Variants in SYK observed in about 807,000 individuals in gnomAD.
SYK encodes the protein spleen associated tyrosine kinase.
A neutral mutation model predicts 77.8 loss-of-function variants in SYK; 16 were observed. The observed-to-expected ratio is 0.21, with a 90% CI of 0.14 to 0.31. SYK has a LOEUF of 0.31. SYK is among the 10% of genes least tolerant of loss of function. The probability of loss-of-function intolerance (pLI) is 1.00; values close to 1 mark genes in which losing one functional copy is unlikely to be tolerated. For synonymous variants in SYK, 312 were observed against 308.7 expected (o/e 1.01, Z -0.11); for missense variants, 529 against 814.4 (o/e 0.65, Z 4.26).
chr9:90,874,985 T>C, intron 9 of SYK, 136 bp downstream of exon 9: 1 of 1,112,828 alleles, frequency 9.0e-7, no homozygotes, highest in South Asian at 1.6e-5. Context: ...TTTCTGGTAC[T>C]ATTATAATGA....
intron 1 of SYK, among the ~76,000 whole-genome samples, chr9:90,812,774 TGTGTGAGAGAGA>T (rs1416394928): frequency 3.2e-4 from 29 of 89,954 alleles, no homozygotes; most frequent in East Asian, 7.5e-4. Flanking sequence ...TGTGTGTGTG[TGTGTGAGAGAGA>T]GAGATTGAGA....
intron 1 of SYK, among the ~76,000 whole-genome samples, chr9:90,824,626 A>G (rs1825613351): frequency 1.3e-5 from 2 of 151,998 alleles, no homozygotes; most frequent in African/African-American, 4.8e-5. Context: ...AAATCATATG[A>G]CCATGTTAAT....
chr9:90,855,699 A>T (rs78071893), intron 3 of SYK, among the ~76,000 whole-genome samples: 13,207 of 146,680 alleles, frequency 0.09, 546 homozygotes, highest in South Asian at 0.18. Context: ...GGTGTGTGTG[A>T]GAGAGAGAGA....
intron 9 of SYK, among the ~76,000 whole-genome samples, chr9:90,875,550 T>C (rs757810013): frequency 1.3e-5 from 2 of 152,210 alleles, no homozygotes; most frequent in Non-Finnish European, 2.9e-5. Flanking sequence ...AGATATTATT[T>C]AATTAAAACA....
At position 90,884,736 on chromosome 9, in the gene SYK, TACATATAC is replaced by T. The variant is rs1284143124; in HGVS notation, c.1582-2998_1582-2991del. 1.1e-4 allele frequency among the ~76,000 whole-genome samples: 2 copies of T among 17,786 alleles called. 1 individual carries two copies. The highest frequency in any genetic ancestry group is 1.6e-4 in the Non-Finnish European group (2 of 12,250). The allele number at this position is 17,786 out of a possible 152,430, so 11.7% of individuals were successfully genotyped here. On this transcript the variant is annotated intron_variant, in intron 11 of 13. Coordinates refer to ENST00000375754, the MANE Select transcript of SYK (RefSeq NM_003177.7). The stretch of plus-strand genomic sequence containing the variant: ...ACACATATACACATATGTGTACATG[TACATATAC>T]ACATATACACATATGTGTACATGCA...
intron 1 of SYK, among the ~76,000 whole-genome samples, chr9:90,812,765 G>GTGTGTA: frequency 1.1e-5 from 1 of 89,444 alleles, no homozygotes; most frequent in Non-Finnish European, 2.6e-5. Context: ...GTGTGTGTGT[G>GTGTGTA]TGTGTGTGTG....
intron 9 of SYK, 79 bp downstream of exon 9, chr9:90,874,928 C>G (rs1388762835): frequency 2.7e-6 from 4 of 1,498,874 alleles, no homozygotes; most frequent in Non-Finnish European, 3.6e-6. Flanking sequence ...AAAATGTAAC[C>G]TGGCATGACT....
chr9:90,857,064 CT>C (rs1827063135), intron 3 of SYK, among the ~76,000 whole-genome samples: 3 of 152,256 alleles, frequency 2.0e-5, no homozygotes, highest in Admixed American at 1.3e-4. Context: ...TTGCCACTCA[CT>C]TTTTGCTGTT....
chr9:90,802,809 G>T (rs1826779682), intron 1 of SYK, among the ~76,000 whole-genome samples: 1 of 1,798 alleles, frequency 5.6e-4, no homozygotes, highest in African/African-American at 0.015. Flanking sequence ...GCATTGCAGC[G>T]TGTAGTAAAA....
At chr9:90,828,312 G>A (rs940183130) in intron 1 of SYK, among the ~76,000 whole-genome samples, 2 of 148,850 alleles carry the variant, frequency 1.3e-5, no homozygotes, top group African/African-American at 2.5e-5. Context: ...GCAGGATCAA[G>A]GAAAGCCTGC....
chr9:90,877,216 A>AT (rs1222337423), intron 9 of SYK, among the ~76,000 whole-genome samples: 5 of 151,834 alleles, frequency 3.3e-5, no homozygotes, highest in South Asian at 2.1e-4. Context: ...CACCTGGGTG[A>AT]TTTTTTTTAG....
In SYK at chr9:90,895,634, C is replaced by T. The variant is rs201001425; in HGVS notation, c.*34C>T. The stretch of plus-strand genomic sequence containing the variant: ...GCACCTGTCGGTGGCTGCCTTTGAT[C>T]ACAGGAGCAATCACAGGAAAATGTA... On this transcript the variant is annotated 3_prime_UTR_variant, in exon 14 of 14. Transcript: ENST00000375754. The surrounding 1 kb of genome is among the most constrained non-coding windows in gnomAD (Gnocchi z 4.4). 1 of 1,589,050 alleles carries T rather than the reference C, an allele frequency of 6.3e-7. No individual in the cohort carries two copies. Among genetic ancestry groups the T allele is most frequent in the Non-Finnish European group, 8.6e-7 (1 of 1,157,812 alleles).
chr9:90,863,745 G>A (rs1016904303), intron 4 of SYK, among the ~76,000 whole-genome samples: 9 of 152,166 alleles, frequency 5.9e-5, no homozygotes, highest in Non-Finnish European at 1.3e-4. Flanking sequence ...AAGGCACCTG[G>A]AGTCCTCTAT....
intron 11 of SYK, among the ~76,000 whole-genome samples, chr9:90,883,603 C>T (rs953569639): frequency 2.0e-5 from 3 of 152,058 alleles, no homozygotes; most frequent in South Asian, 2.1e-4. Context: ...CCCCTCCCTG[C>T]GTATCACAGC....
Position 90,897,715 on chromosome 9 carries a change from G to A in SYK, c.*2115G>A, listed in dbSNP as rs542111360. On this transcript the variant is annotated 3_prime_UTR_variant, in exon 14 of 14. Coordinates refer to ENST00000375754, the MANE Select transcript of SYK (RefSeq NM_003177.7). ...ATCCAGAATGTGATGGGACAAGATG[G>A]GGGCAGGGGCCTCACCTCCCTGCAG... is the stretch of plus-strand genomic sequence containing the variant. 1 of 224,878 alleles carries A rather than the reference G, an allele frequency of 4.4e-6. No individual in the cohort carries two copies. The highest frequency in any genetic ancestry group is 6.4e-5 in the East Asian group (1 of 15,564). The allele number at this position is 224,878 out of a possible 1,614,324, so 13.9% of individuals were successfully genotyped here. A position where few individuals can be genotyped will look rare whatever the true frequency, so the allele number is the denominator to read the frequency against.
intron 3 of SYK, among the ~76,000 whole-genome samples, chr9:90,849,176 T>G (rs927285799): frequency 6.6e-6 from 1 of 152,228 alleles, no homozygotes; most frequent in Non-Finnish European, 1.5e-5. Flanking sequence ...CGGTGGGCTC[T>G]GCCTGGCTGC....
At chr9:90,853,977 A>G (rs1826920327) in intron 3 of SYK, among the ~76,000 whole-genome samples, 1 of 152,188 alleles carries the variant, frequency 6.6e-6, no homozygotes, top group Admixed American at 6.5e-5. Context: ...GGATGCCTGC[A>G]GGAGAGGGAG....
intron 7 of SYK, among the ~76,000 whole-genome samples, chr9:90,871,416 T>TA (rs1167987754): frequency 6.6e-6 from 1 of 152,222 alleles, no homozygotes; most frequent in Non-Finnish European, 1.5e-5. Flanking sequence ...CGGAAATATA[T>TA]TTTTTATTAA....
intron 1 of SYK, among the ~76,000 whole-genome samples, chr9:90,822,882 A>G (rs1825564293): frequency 6.6e-6 from 1 of 152,222 alleles, no homozygotes; most frequent in African/African-American, 2.4e-5. Context: ...CCAGAAAATA[A>G]AAGAAATAGA....
Sources: gnomAD v4.1 joint callset for allele counts (sites outside exome capture counted in the v4.1 genomes callset) on GRCh38, gnomAD v4.1.1 for gene constraint, Gnocchi (gnomAD v3.1) non-coding constraint, MANE v1.5 for transcripts, NCBI Gene and HGNC (gene_info 2026-07-23, HGNC 2026-07-21) for gene names.